PRDM16: variants seen among roughly 807,000 people sequenced by gnomAD.
PRDM16 encodes the protein PR/SET domain 16.
PRDM16 carries 23 observed loss-of-function variants against 110.6 expected under a neutral mutation model. The observed-to-expected ratio is 0.21, with a 90% CI of 0.15 to 0.29. The LOEUF (loss-of-function observed/expected upper bound fraction) is 0.29, where lower values mean the gene tolerates loss of function less well. PRDM16 is among the 10% of genes least tolerant of loss of function. PRDM16 has a pLI of 1.00. For synonymous variants in PRDM16, 799 were observed against 781.8 expected, an observed-to-expected ratio of 1.02 and a Z score of -0.37; for missense variants, 1,615 against 1,794.3, an observed-to-expected ratio of 0.90 and a Z score of 1.81.
chr1:3,222,204 G>A (rs1161152720), intron 2 of PRDM16, among the ~76,000 whole-genome samples: 1 of 152,226 alleles, frequency 6.6e-6, no homozygotes, highest in Non-Finnish European at 1.5e-5. Context: ...CCAGAGGGCT[G>A]CCCACGTGGG....
At chr1:3,230,587 A>G (rs1434513348) in intron 2 of PRDM16, among the ~76,000 whole-genome samples, 2 of 152,252 alleles carry the variant, frequency 1.3e-5, no homozygotes, top group Non-Finnish European at 2.9e-5. Context: ...TAAGAAAAAT[A>G]TAAATGAACA....
chr1:3,072,346 C>CGT (rs140083104), intron 1 of PRDM16, among the ~76,000 whole-genome samples: 1,590 of 152,276 alleles, frequency 0.01, 35 homozygotes, highest in African/African-American at 0.034. Flanking sequence ...ATGTGCCAGT[C>CGT]GGCACCCCCA....
intron 3 of PRDM16, among the ~76,000 whole-genome samples, chr1:3,277,009 C>T (rs1176572446): frequency 6.6e-6 from 1 of 152,186 alleles, no homozygotes; most frequent in Non-Finnish European, 1.5e-5. Flanking sequence ...TTGATCATCT[C>T]GGTGGCCACA....
chr1:3,341,871 G>A (rs1642280106), intron 3 of PRDM16, among the ~76,000 whole-genome samples: 2 of 152,254 alleles, frequency 1.3e-5, no homozygotes, highest in African/African-American at 4.8e-5. Context: ...TCTGAGGCAG[G>A]TGAGTCCGGG....
chr1:3,209,530 G>A lies in PRDM16; in HGVS notation c.387+23056G>A, dbSNP rs1040670200. On this transcript the variant is annotated intron_variant, in intron 2 of 16. Coordinates refer to ENST00000270722, the MANE Select transcript of PRDM16 (RefSeq NM_022114.4). The surrounding 1 kb of genome is among the most constrained non-coding windows in gnomAD (Gnocchi z 4.6). Reference sequence around the variant, plus strand: ...GTGGAATAGGCCTCGCTGGGAGGCCGTGGTTCTGCTCCTGCACATTTCCAA... The same window carrying A: ...GTGGAATAGGCCTCGCTGGGAGGCCATGGTTCTGCTCCTGCACATTTCCAA... Among the ~76,000 whole-genome samples, 1 of 152,212 alleles carries A rather than the reference G, an allele frequency of 6.6e-6. No homozygotes were observed. Among genetic ancestry groups the A allele is most frequent in the African/African-American group, 2.4e-5 (1 of 41,460 alleles).
At chr1:3,111,722 G>T (rs1642799624) in intron 1 of PRDM16, among the ~76,000 whole-genome samples, 1 of 152,168 alleles carries the variant, frequency 6.6e-6, no homozygotes, top group South Asian at 2.1e-4. Context: ...TCGCCTGTCA[G>T]CCCCGCTGTC....
chr1:3,102,030 C>A (rs1025559791), intron 1 of PRDM16, among the ~76,000 whole-genome samples: 1 of 152,218 alleles, frequency 6.6e-6, no homozygotes, highest in African/African-American at 2.4e-5. Flanking sequence ...CTAACCCCAA[C>A]CTTGTGTGGG....
chr1:3,195,986 C>T (rs1171849957), intron 2 of PRDM16, among the ~76,000 whole-genome samples: 1 of 152,222 alleles, frequency 6.6e-6, no homozygotes. Flanking sequence ...TAGGACACAG[C>T]CACCCTCGCT....
intron 8 of PRDM16, among the ~76,000 whole-genome samples, chr1:3,408,402 T>C (rs1643596834): frequency 6.6e-6 from 1 of 152,136 alleles, no homozygotes; most frequent in Non-Finnish European, 1.5e-5. Context: ...AGAGGAAGTA[T>C]AATATCTGGG....
chr1:3,132,189 C>G lies in PRDM16; in HGVS notation c.38-53936C>G, dbSNP rs145543763. On this transcript the variant is annotated intron_variant, in intron 1 of 16. Coordinates refer to ENST00000270722, the MANE Select transcript of PRDM16 (RefSeq NM_022114.4). Reference sequence around the variant, plus strand: ...AGGGCTGCACAGGCAAATTTGGAACCAGGATGAAGGGTTACACGGCGGTGC... The same window carrying G: ...AGGGCTGCACAGGCAAATTTGGAACGAGGATGAAGGGTTACACGGCGGTGC... Among the ~76,000 whole-genome samples the G allele has an allele frequency of 4.8e-4, 73 of 152,254 alleles. 1 individual carries two copies. Among genetic ancestry groups the G allele is most frequent in the African/African-American group, 1.8e-3 (73 of 41,536 alleles).
intron 1 of PRDM16, among the ~76,000 whole-genome samples, chr1:3,139,178 G>A (rs1273807860): frequency 6.6e-6 from 1 of 151,178 alleles, no homozygotes; most frequent in Non-Finnish European, 1.5e-5. Flanking sequence ...TTGCTTCATC[G>A]GGGAGAGGGG....
chr1:3,290,534 G>A lies in PRDM16; in HGVS notation c.438+46397G>A, dbSNP rs1411274870. 1.3e-5 allele frequency among the ~76,000 whole-genome samples: 2 copies of A among 152,206 alleles called. No homozygotes were observed. Among genetic ancestry groups the A allele is most frequent in the African/African-American group, 4.8e-5 (2 of 41,444 alleles). Reference sequence around the variant, plus strand: ...GTGTCTGGCCAGCCCCTCCCATGCTGAGGACAGAGGTGAATGCTTGGGACA... The same window carrying A: ...GTGTCTGGCCAGCCCCTCCCATGCTAAGGACAGAGGTGAATGCTTGGGACA... On this transcript the variant is annotated intron_variant, in intron 3 of 16. Transcript: ENST00000270722. The surrounding 1 kb of genome is among the most constrained non-coding windows in gnomAD (Gnocchi z 4.8).
rs372548196 is a variant in PRDM16, at chr1:3,415,624, C to T, written c.2691+977C>T. Among the ~76,000 whole-genome samples the T allele has an allele frequency of 9.8e-5, 15 of 152,342 alleles. No homozygotes were observed. The East Asian group carries it at 1.4e-3, about 14-fold the overall frequency. On this transcript the variant is annotated intron_variant, in intron 10 of 16. Coordinates refer to ENST00000270722, the MANE Select transcript of PRDM16 (RefSeq NM_022114.4). ...ATCCTGCGTTTGTTTGTGCGGGGAG[C>T]GAGGCCGGGAATATCTGATCGGGCG...
chr1:3,253,324 A>G lies in PRDM16; in HGVS notation c.438+9187A>G, dbSNP rs1467175439. Among the ~76,000 whole-genome samples the G allele has an allele frequency of 4.7e-5, 7 of 150,144 alleles. No homozygotes were observed. In the East Asian group the frequency reaches 1.2e-3, roughly 25 times the overall value. On this transcript the variant is annotated intron_variant, in intron 3 of 16. Coordinates refer to ENST00000270722, the MANE Select transcript of PRDM16 (RefSeq NM_022114.4). ...TGTACCCAATAACTCGTCATTTAGCATTAGGTATATCTCCTAATGCTATCC... is the reference window on the plus strand; with the variant it reads ...TGTACCCAATAACTCGTCATTTAGCGTTAGGTATATCTCCTAATGCTATCC...
chr1:3,364,147 T>G (rs1398357508), intron 3 of PRDM16, among the ~76,000 whole-genome samples: 1 of 151,042 alleles, frequency 6.6e-6, no homozygotes, highest in Non-Finnish European at 1.5e-5. Flanking sequence ...GAGCTCCAGG[T>G]GGGTTTCTGG....
chr1:3,153,154 A>G (rs1225713928), intron 1 of PRDM16, among the ~76,000 whole-genome samples: 1 of 152,182 alleles, frequency 6.6e-6, no homozygotes, highest in Non-Finnish European at 1.5e-5. Context: ...TGTTTGGTGC[A>G]TGGTGACCCC....
intron 1 of PRDM16, among the ~76,000 whole-genome samples, chr1:3,170,491 C>G (rs1569749997): frequency 6.6e-6 from 1 of 152,202 alleles, no homozygotes; most frequent in South Asian, 2.1e-4. Flanking sequence ...AGGGAGGGTC[C>G]TCCTGGCCCC....
At chr1:3,418,964 G>A (rs1394790660) in intron 12 of PRDM16, among the ~76,000 whole-genome samples, 2 of 152,270 alleles carry the variant, frequency 1.3e-5, no homozygotes, top group East Asian at 3.9e-4. Context: ...CCTTCTGGAA[G>A]GCATCTGCCT....
chr1:3,396,628 TG>T, intron 5 of PRDM16, 35 bp downstream of exon 5: 1 of 971,820 alleles, frequency 1.0e-6, no homozygotes, highest in Non-Finnish European at 1.6e-6. Flanking sequence ...CCACGGCCCC[TG>T]GGAGCCCCCA....
Sources: gnomAD v4.1 joint callset for allele counts (sites outside exome capture counted in the v4.1 genomes callset) on GRCh38, gnomAD v4.1.1 for gene constraint, Gnocchi (gnomAD v3.1) non-coding constraint, MANE v1.5 for transcripts, NCBI Gene and HGNC (gene_info 2026-07-23, HGNC 2026-07-21) for gene names.